The following NUP85 variants were observed in gnomAD, a reference collection of about 807,000 sequenced individuals.
NUP85 encodes the protein nuclear pore complex protein Nup85.
A neutral mutation model predicts 92.8 loss-of-function variants in NUP85; 23 were observed. The observed-to-expected ratio is 0.25, with a 90% CI of 0.18 to 0.35. The LOEUF (loss-of-function observed/expected upper bound fraction) is 0.35, where lower values mean the gene tolerates loss of function less well. NUP85 is among the 10% of genes least tolerant of loss of function. NUP85 has a pLI of 1.00. For missense variants in NUP85, 759 were observed against 822.8 expected (o/e 0.92, Z 0.95); for synonymous variants, 314 against 306.9 (o/e 1.02, Z -0.24).
chr17:75,220,476 A>G (rs1429822193), intron 7 of NUP85, among the ~76,000 whole-genome samples: 9 of 150,784 alleles, frequency 6.0e-5, no homozygotes, highest in Non-Finnish European at 1.2e-4. Flanking sequence ...TGCAGTGCAC[A>G]ATCACCAGTC....
intron 14 of NUP85, 81 bp downstream of exon 14, chr17:75,232,060 C>T (rs2076083098): frequency 2.0e-6 from 3 of 1,474,280 alleles, no homozygotes; most frequent in African/African-American, 1.4e-5. Flanking sequence ...ATGCCTACCC[C>T]AGCCATCCTC....
chr17:75,226,551 A>G (rs2075803149), intron 11 of NUP85, among the ~76,000 whole-genome samples: 1 of 152,062 alleles, frequency 6.6e-6, no homozygotes, highest in Non-Finnish European at 1.5e-5. Context: ...TCCTGGCCTA[A>G]TCACCTCTTA....
intron 5 of NUP85, among the ~76,000 whole-genome samples, chr17:75,215,448 A>G (rs1244249138): frequency 6.6e-6 from 1 of 152,186 alleles, no homozygotes; most frequent in Non-Finnish European, 1.5e-5. Flanking sequence ...AGACTCAAGC[A>G]TTCCACCTGC....
chr17:75,228,205 AG>A, intron 11 of NUP85: 1 of 985,384 alleles, frequency 1.0e-6, no homozygotes, highest in Non-Finnish European at 1.2e-6. Flanking sequence ...TGTTGGATGC[AG>A]GGAGTATAAA....
In NUP85 at chr17:75,219,399, C is replaced by G. The variant is rs377451598; in HGVS notation, c.597+1093C>G. On this transcript the variant is annotated intron_variant, in intron 7 of 18. Coordinates refer to ENST00000245544, the MANE Select transcript of NUP85 (RefSeq NM_024844.5). ...TCAAGCAATCCTCCCACCTCAGCCTCCTGAGTGGCTGGGACTACAGGCGCA... is the reference window on the plus strand; with the variant it reads ...TCAAGCAATCCTCCCACCTCAGCCTGCTGAGTGGCTGGGACTACAGGCGCA... 1.2e-4 allele frequency among the ~76,000 whole-genome samples: 19 copies of G among 152,272 alleles called. No individual in the cohort carries two copies. The South Asian group carries it at 3.7e-3, about 30-fold the overall frequency.
chr17:75,228,668 G>A, intron 11 of NUP85: 3 of 985,442 alleles, frequency 3.0e-6, no homozygotes, highest in Non-Finnish European at 2.4e-6. Flanking sequence ...GAGCCAGTGA[G>A]CTGTTGGCAT....
chr17:75,221,610 C>T (rs1460356870), intron 7 of NUP85, among the ~76,000 whole-genome samples: 3 of 152,176 alleles, frequency 2.0e-5, no homozygotes, highest in Non-Finnish European at 4.4e-5. Context: ...ATAATAATAC[C>T]TGTCCCATGG....
At chr17:75,211,893 T>C (rs2075269688) in intron 3 of NUP85, 99 bp from the exon 4 acceptor site, 1 of 965,510 alleles carries the variant, frequency 1.0e-6, no homozygotes, top group Non-Finnish European at 1.6e-6. Flanking sequence ...GCTCTCCTCT[T>C]TCTTTCAGCA....
chr17:75,233,141 AC>A lies in NUP85; in HGVS notation c.1600del (p.Arg534AspfsTer2). ...DNLGPAMMLSDRLTFLGKYRE... is the reference protein window; with the variant it reads ...DNLGPAMMLSXRLTFLGKYRE... ...CTGGGGCCAGCCATGATGCTCAGTG[AC>A]CGACTGACATTCCTGGGTGAGTCTC... On this transcript the variant is annotated frameshift_variant, in exon 16 of 19. Transcript: ENST00000245544. LOFTEE classifies it high-confidence loss of function. The A allele has an allele frequency of 6.2e-7, 1 of 1,614,006 alleles. No homozygotes were observed. The highest frequency in any genetic ancestry group is 8.5e-7 in the Non-Finnish European group (1 of 1,179,948).
Position 75,208,547 on chromosome 17 carries a change from CAAG to C in NUP85, c.60_62del (p.Lys20del). 1.2e-6 allele frequency: 2 copies of C among 1,601,672 alleles called. No individual in the cohort carries two copies. The highest frequency in any genetic ancestry group is 1.7e-6 in the Non-Finnish European group (2 of 1,169,692). On this transcript the variant is annotated inframe_deletion, in exon 2 of 19. Transcript: ENST00000245544. The stretch of plus-strand genomic sequence containing the variant: ...ACTAGTTGATTCCAGGCGTGAATTC[CAAG>C]AAGAACCAAATGTATTTTGACTGGG...
At chr17:75,227,281 A>G (rs1422462979) in intron 11 of NUP85, among the ~76,000 whole-genome samples, 3 of 149,282 alleles carry the variant, frequency 2.0e-5, no homozygotes, top group African/African-American at 7.5e-5. Flanking sequence ...AAATGATACT[A>G]GATTTGGGGA....
chr17:75,226,052 C>G lies in NUP85; in HGVS notation c.989C>G (p.Ser330Cys), dbSNP rs768196199. The change falls in exon 11 of 19, where the codon TCC becomes TGC. Residue 330 changes from serine (S) to cysteine (C), a missense_variant and splice_region_variant. Coordinates refer to ENST00000245544, the MANE Select transcript of NUP85 (RefSeq NM_024844.5). ...KPIDLHYYAQ[S>C]SLDLFLGGES... ...GAGTGTCTCATCACCTTTCCACAGTCCAGCCTGGACCTGTTTCTGGGAGGT... is the reference window on the plus strand; with the variant it reads ...GAGTGTCTCATCACCTTTCCACAGTGCAGCCTGGACCTGTTTCTGGGAGGT... 1 of 1,614,008 alleles carries G rather than the reference C, an allele frequency of 6.2e-7. No individual in the cohort carries two copies. Among genetic ancestry groups the G allele is most frequent in the Non-Finnish European group, 8.5e-7 (1 of 1,180,022 alleles).
chr17:75,225,044 TCA>T, intron 7 of NUP85, 57 bp from the exon 8 acceptor site: 1 of 1,499,292 alleles, frequency 6.7e-7, no homozygotes, highest in East Asian at 2.3e-5. Context: ...ACTGGCCTCC[TCA>T]CGCCTCGGCA....
intron 1 of NUP85, among the ~76,000 whole-genome samples, chr17:75,207,195 T>TC (rs1335720415): frequency 1.3e-5 from 2 of 151,304 alleles, no homozygotes; most frequent in African/African-American, 2.4e-5. Flanking sequence ...CTTTTTTTTT[T>TC]CTCTTGAGGC....
At chr17:75,234,861 G>A (rs750715149) in intron 17 of NUP85, 73 bp downstream of exon 17, 13 of 1,561,810 alleles carry the variant, frequency 8.3e-6, no homozygotes, top group East Asian at 2.2e-5. Context: ...AGCTGTTGCC[G>A]ATGTGCGTGT....
At chr17:75,223,444 G>A (rs2075655963) in intron 7 of NUP85, among the ~76,000 whole-genome samples, 1 of 152,128 alleles carries the variant, frequency 6.6e-6, no homozygotes, top group African/African-American at 2.4e-5. Flanking sequence ...CTGGGGTGCA[G>A]TGGCGTGATC....
At position 75,231,448 on chromosome 17, in the gene NUP85, C is replaced by T; in HGVS notation, c.1178+25C>T. 1 of 1,613,226 alleles carries T rather than the reference C, an allele frequency of 6.2e-7. No individual in the cohort carries two copies. The highest frequency in any genetic ancestry group is 8.5e-7 in the Non-Finnish European group (1 of 1,179,142). On this transcript the variant is annotated intron_variant, in intron 12 of 18. Coordinates refer to ENST00000245544, the MANE Select transcript of NUP85 (RefSeq NM_024844.5). This position sits in a 1 kb window ranked among gnomAD's most constrained non-coding sequence, Gnocchi z 4.6. ...AGTAAGTGGCCGGGAGGCACCGATC[C>T]TCCTCTTCTTACCACCAGGCCCCCG...
rs375953998 is a variant in NUP85 at position 75,235,672 on chromosome 17, G to A, written c.1964G>A (p.Gly655Asp). 1.9e-6 allele frequency: 3 copies of A among 1,611,688 alleles called. No homozygotes were observed. The African/African-American group carries it at 4.0e-5, about 22-fold the overall frequency. Reference protein sequence around the residue: ...RAIIREGSLEGS With the variant: ...RAIIREGSLEDS ...ATTATAAGAGAAGGCTCACTGGAAG[G>A]TTCCTGAGAACTGCTTCAATGTGGT... Residue 655 changes from glycine to aspartate, a missense_variant, in exon 19 of 19, where the codon GGT becomes GAT. Transcript: ENST00000245544.
intron 16 of NUP85, among the ~76,000 whole-genome samples, chr17:75,233,983 C>G (rs568115003): frequency 1.1e-4 from 17 of 152,108 alleles, no homozygotes; most frequent in African/African-American, 4.1e-4. Context: ...ATCCGCCCGC[C>G]TCGGCCTCCC....
Sources: allele counts gnomAD v4.1 joint callset (sites outside exome capture counted in the v4.1 genomes callset), GRCh38; gene constraint gnomAD v4.1.1; non-coding constraint Gnocchi (gnomAD v3.1); transcripts MANE v1.5; gene names NCBI Gene and HGNC (gene_info 2026-07-23, HGNC 2026-07-21).